The following SHCBP1 variants were observed in gnomAD, a reference collection of about 807,000 sequenced individuals.
SHCBP1 encodes SHC binding and spindle associated 1.
SHCBP1 carries 60 observed loss-of-function variants against 75.1 expected under a neutral mutation model. The ratio of observed to expected loss-of-function variants is 0.80; its 90% confidence interval spans 0.65 to 0.99. The LOEUF (loss-of-function observed/expected upper bound fraction) is 0.99. Among genes scored for constraint, SHCBP1 ranks in the 50% least tolerant of loss-of-function variants. SHCBP1 has a pLI of 0.00. For synonymous variants in SHCBP1, 290 were observed against 293.2 expected, an observed-to-expected ratio of 0.99 and a Z score of 0.11; for missense variants, 709 against 809.4, an observed-to-expected ratio of 0.88 and a Z score of 1.50.
At position 46,603,569 on chromosome 16, in the gene SHCBP1, A is replaced by G; in HGVS notation, c.1183T>C (p.Phe395Leu). The change falls in exon 8 of 13, where the codon TTC becomes CTC. Residue 395 changes from phenylalanine (F) to leucine (L), a missense_variant. Phe to Leu is a conservative substitution (Grantham distance 22). Coordinates refer to ENST00000303383, the MANE Select transcript of SHCBP1 (RefSeq NM_024745.5). ...AACTCAATGGAGTCAGCAATGGAGAAAGTGCCATGTACCACATAATGGCCA... is the reference window on the plus strand; with the variant it reads ...AACTCAATGGAGTCAGCAATGGAGAGAGTGCCATGTACCACATAATGGCCA... ...CPGHYVVHGT[F>L]SIADSIELEG... The G allele has an allele frequency of 6.2e-7, 1 of 1,614,210 alleles. No homozygotes were observed. Among genetic ancestry groups the G allele is most frequent in the Non-Finnish European group, 8.5e-7 (1 of 1,180,026 alleles).
intron 2 of SHCBP1, among the ~76,000 whole-genome samples, chr16:46,617,950 G>A: frequency 6.6e-6 from 1 of 152,250 alleles, no homozygotes; most frequent in East Asian, 1.9e-4. Flanking sequence ...GGCCGAGGCA[G>A]GGGGATCACC....
chr16:46,617,639 C>A lies in SHCBP1; in HGVS notation c.382G>T (p.Val128Phe). 1 of 1,613,632 alleles carries A rather than the reference C, an allele frequency of 6.2e-7. No individual in the cohort carries two copies. The highest frequency in any genetic ancestry group is 1.1e-5 in the South Asian group (1 of 91,012). The change falls in exon 3 of 13, where the codon GTT becomes TTT. Residue 128 changes from valine (V) to phenylalanine (F), a missense_variant. Physicochemically the swap from Val to Phe is conservative, Grantham distance 50. Transcript: ENST00000303383. ...VWHTNVFKVL[V>F]EITDVDFAAL... is the part of the protein sequence containing the mutation. Reference sequence around the variant, plus strand: ...AATAACAAAATTAACCTTACCTCAACCAGCACCTTGAACACATTAGTGTGC... The same window carrying A: ...AATAACAAAATTAACCTTACCTCAAACAGCACCTTGAACACATTAGTGTGC...
At chr16:46,614,318 G>C (rs1330530755) in intron 4 of SHCBP1, among the ~76,000 whole-genome samples, 1 of 152,094 alleles carries the variant, frequency 6.6e-6, no homozygotes, top group Non-Finnish European at 1.5e-5. Flanking sequence ...AAAATAGAAA[G>C]TACTTTTTAT....
chr16:46,589,391 T>C (rs1028211013), intron 10 of SHCBP1, among the ~76,000 whole-genome samples: 1 of 152,202 alleles, frequency 6.6e-6, no homozygotes, highest in African/African-American at 2.4e-5. Context: ...ATTGTCCCTG[T>C]TTGCAGATGA....
chr16:46,579,270 A>T lies in SHCBP1; in HGVS notation c.*2459T>A, dbSNP rs1437726474. 6.6e-6 allele frequency among the ~76,000 whole-genome samples: 1 copy of T among 152,160 alleles called. No individual in the cohort carries two copies. Among genetic ancestry groups the T allele is most frequent in the East Asian group, 1.9e-4 (1 of 5,184 alleles). On this transcript the variant is annotated 3_prime_UTR_variant, in exon 13 of 13. Coordinates refer to ENST00000303383, the MANE Select transcript of SHCBP1 (RefSeq NM_024745.5). ...TCAAATATCAAACCCATACCCCTCT[A>T]GGGCACTCCCTAAATTCCCTATGCT...
At chr16:46,607,483 G>A (rs533266670) in intron 5 of SHCBP1, among the ~76,000 whole-genome samples, 17 of 151,922 alleles carry the variant, frequency 1.1e-4, no homozygotes, top group Non-Finnish European at 1.8e-4. Flanking sequence ...TCACTAAATC[G>A]ACTTGAGTTC....
At position 46,619,832 on chromosome 16, in the gene SHCBP1, C is replaced by G. The variant is rs118072540; in HGVS notation, c.103+1425G>C. On this transcript the variant is annotated intron_variant, in intron 1 of 12. Transcript: ENST00000303383. ...GGCGGATCACCTGAGGTTAGGAGCT[C>G]GACACCAGCCTGGCCAACAGGGTGA... Among the ~76,000 whole-genome samples, 47 of 152,204 alleles carry G rather than the reference C, an allele frequency of 3.1e-4. No individual in the cohort carries two copies. In the East Asian group the frequency reaches 8.7e-3, roughly 28 times the overall value.
intron 10 of SHCBP1, among the ~76,000 whole-genome samples, chr16:46,592,111 TA>T (rs1321272019): frequency 6.7e-6 from 1 of 149,200 alleles, no homozygotes; most frequent in Non-Finnish European, 1.5e-5. Flanking sequence ...CATAAAAAAG[TA>T]AAACTAAAAA....
chr16:46,610,241 A>G (rs1302995992), intron 4 of SHCBP1, among the ~76,000 whole-genome samples: 1 of 152,164 alleles, frequency 6.6e-6, no homozygotes, highest in African/African-American at 2.4e-5. Flanking sequence ...CCAATCTCAC[A>G]CACATCAAAT....
At position 46,603,592 on chromosome 16, in the gene SHCBP1, C is replaced by G. The variant is rs140069841; in HGVS notation, c.1160G>C (p.Gly387Ala). 1 of 1,613,984 alleles carries G rather than the reference C, an allele frequency of 6.2e-7. No homozygotes were observed. Among genetic ancestry groups the G allele is most frequent in the African/African-American group, 1.3e-5 (1 of 74,900 alleles). Residue 387 changes from glycine (G) to alanine (A), a missense_variant, in exon 8 of 13, where the codon GGC (glycine) becomes GCC (alanine). Physicochemically the swap from Gly to Ala is moderately conservative, Grantham distance 60 (BLOSUM62 0). Coordinates refer to ENST00000303383, the MANE Select transcript of SHCBP1 (RefSeq NM_024745.5). ...GAAAGTGCCATGTACCACATAATGG[C>G]CAGGACAAACAATAACAGTGTCACC... ...FEGDTVIVCP[G>A]HYVVHGTFSI...
intron 10 of SHCBP1, among the ~76,000 whole-genome samples, chr16:46,593,840 G>T (rs576806764): frequency 1.3e-5 from 2 of 152,196 alleles, no homozygotes; most frequent in African/African-American, 2.4e-5. Flanking sequence ...TGACATATGG[G>T]TTTATTAAAG....
At chr16:46,603,880 G>C (rs1965281985) in intron 7 of SHCBP1, 95 bp downstream of exon 7, 8 of 1,480,292 alleles carry the variant, frequency 5.4e-6, no homozygotes, top group Non-Finnish European at 7.3e-6. Context: ...AAACCGTCTT[G>C]GGAAAGCTCC....
In SHCBP1 at chr16:46,598,892, C is replaced by T. The variant is rs1217376913; in HGVS notation, c.1345+939G>A. Among the ~76,000 whole-genome samples the T allele has an allele frequency of 2.6e-5, 4 of 152,236 alleles. No individual in the cohort carries two copies. In the East Asian group the frequency reaches 5.8e-4, roughly 22 times the overall value. On this transcript the variant is annotated intron_variant, in intron 9 of 12. Coordinates refer to ENST00000303383, the MANE Select transcript of SHCBP1 (RefSeq NM_024745.5). The stretch of plus-strand genomic sequence containing the variant: ...TCAGCACTTGCTGCTTCACCTTGCA[C>T]TTTTATGTTACAGAAATGGCTGCTT...
At position 46,583,564 on chromosome 16, in the gene SHCBP1, G is replaced by A; in HGVS notation, c.1645C>T (p.Pro549Ser). 1 of 1,610,502 alleles carries A rather than the reference G, an allele frequency of 6.2e-7. No homozygotes were observed. The highest frequency in any genetic ancestry group is 8.5e-7 in the Non-Finnish European group (1 of 1,179,270). ...TCTTGCAGGTCAGAGAAGATTGTAG[G>A]TTTCACCAAGACAACACCATAACCT... ...NEGYGVVLVK[P>S]TIFSDLQENA... Residue 549 changes from proline to serine, a missense_variant, in exon 12 of 13, where the codon CCT (proline) becomes TCT (serine). Physicochemically the swap from Pro to Ser is moderately conservative, Grantham distance 74. Transcript: ENST00000303383.
At chr16:46,585,292 G>A (rs940640558) in intron 10 of SHCBP1, among the ~76,000 whole-genome samples, 3 of 152,040 alleles carry the variant, frequency 2.0e-5, no homozygotes, top group African/African-American at 7.2e-5. Flanking sequence ...CTTCTGGGAT[G>A]ATGGAGTAGA....
At chr16:46,583,495 A>T (rs1333587700) in intron 12 of SHCBP1, 21 bp downstream of exon 12, 1 of 1,576,420 alleles carries the variant, frequency 6.3e-7, no homozygotes, top group South Asian at 1.2e-5. Flanking sequence ...TGGTTTTTAT[A>T]TTAAAAATTA....
chr16:46,603,664 A>G lies in SHCBP1; in HGVS notation c.1093-5T>C. The G allele has an allele frequency of 3.7e-6, 6 of 1,614,158 alleles. No homozygotes were observed. Among genetic ancestry groups the G allele is most frequent in the Non-Finnish European group, 5.1e-6 (6 of 1,180,006 alleles). On this transcript the variant is annotated splice_region_variant and splice_polypyrimidine_tract_variant and intron_variant, in intron 7 of 12. Transcript: ENST00000303383. ...AGACAATGGATCACTATGGAACTAG[A>G]AAACAATAAGAACACATTTGTAAAT...
intron 10 of SHCBP1, among the ~76,000 whole-genome samples, chr16:46,584,690 C>T (rs992303637): frequency 1.3e-5 from 2 of 152,148 alleles, no homozygotes; most frequent in Admixed American, 6.5e-5. Flanking sequence ...AAAGATCAAA[C>T]ATGACACTAT....
chr16:46,598,078 T>C (rs1051974602), intron 9 of SHCBP1, among the ~76,000 whole-genome samples: 4 of 152,306 alleles, frequency 2.6e-5, no homozygotes, highest in Non-Finnish European at 5.9e-5. Flanking sequence ...TGCAGTTACT[T>C]CCTCCATTCA....
Sources: gnomAD v4.1 joint callset for allele counts (sites outside exome capture counted in the v4.1 genomes callset) on GRCh38, gnomAD v4.1.1 for gene constraint, MANE v1.5 for transcripts, NCBI Gene and HGNC (gene_info 2026-07-23, HGNC 2026-07-21) for gene names.